The following PCDHGB4 variants were observed in gnomAD, a reference collection of about 807,000 sequenced individuals.
PCDHGB4 encodes the protein protocadherin gamma-B4.
In PCDHGB4, 38 loss-of-function variants were observed where a neutral mutation model predicts 60.5. The observed-to-expected ratio is 0.63, with a 90% CI of 0.48 to 0.82. PCDHGB4 has a LOEUF of 0.82. Ranked by LOEUF, PCDHGB4 falls within the 40% of genes least tolerant of loss-of-function variation. The pLI, the probability that PCDHGB4 is intolerant of heterozygous loss-of-function variation, is 0.00. For missense variants in PCDHGB4, 1,109 were observed against 1,209.6 expected (o/e 0.92, Z 1.23); for synonymous variants, 456 against 509.7 (o/e 0.89, Z 1.42).
At chr5:141,412,934 G>A (rs1232539262) in intron 1 of PCDHGB4, 1 of 453,932 alleles carries the variant, frequency 2.2e-6, no homozygotes, top group African/African-American at 2.0e-5. Context: ...TAACTTCTTA[G>A]GACTCTGAGC....
chr5:141,454,796 A>ATTTTTTTTTTTTTT lies in PCDHGB4; in HGVS notation c.2398-39995_2398-39982dup, dbSNP rs61612330. ...AAGGAAATAATCCTCCATGGTTCTA[A>ATTTTTTTTTTTTTT]TTTTTTTTTTTTTTTTTTTTTTTTT... On this transcript the variant is annotated intron_variant, in intron 1 of 3. Coordinates refer to ENST00000519479, the MANE Select transcript of PCDHGB4 (RefSeq NM_003736.4). 1.1e-3 allele frequency among the ~76,000 whole-genome samples: 87 copies of ATTTTTTTTTTTTTT among 77,456 alleles called. 11 individuals carry two copies. The highest frequency in any genetic ancestry group is 1.4e-3 in the Admixed American group (8 of 5,554). The allele number at this position is 77,456 out of a possible 152,430, so 50.8% of individuals were successfully genotyped here.
At chr5:141,418,901 A>G in intron 1 of PCDHGB4, 1 of 1,614,016 alleles carries the variant, frequency 6.2e-7, no homozygotes, top group East Asian at 2.2e-5. Context: ...CCCAGAAATA[A>G]TCATCACGTC....
chr5:141,415,452 C>T, intron 1 of PCDHGB4: 1 of 1,614,240 alleles, frequency 6.2e-7, no homozygotes, highest in South Asian at 1.1e-5. Flanking sequence ...CCTATTCCCA[C>T]GAGGTCTCTC....
chr5:141,393,206 A>G (rs774279389), intron 1 of PCDHGB4: 2 of 1,613,588 alleles, frequency 1.2e-6, no homozygotes, highest in Non-Finnish European at 1.7e-6. Flanking sequence ...ATAATAACCC[A>G]AAATTCCAGG....
chr5:141,420,311 T>G (rs762191274), intron 1 of PCDHGB4: 1 of 1,454,814 alleles, frequency 6.9e-7, no homozygotes, highest in Non-Finnish European at 9.3e-7. Flanking sequence ...CTTTTTATAT[T>G]ACAATATGCC....
At chr5:141,401,900 AATT>A (rs1215744256) in intron 1 of PCDHGB4, among the ~76,000 whole-genome samples, 1 of 152,196 alleles carries the variant, frequency 6.6e-6, no homozygotes, top group Non-Finnish European at 1.5e-5. Flanking sequence ...CTTTTTCCCA[AATT>A]ATTATATAAG....
intron 1 of PCDHGB4, chr5:141,478,670 C>G: frequency 6.4e-7 from 1 of 1,551,664 alleles, no homozygotes; most frequent in East Asian, 2.4e-5. Flanking sequence ...TTCACACTTT[C>G]AACTGGCCCT....
At chr5:141,421,218 A>G (rs969154252) in intron 1 of PCDHGB4, 1 of 1,570,664 alleles carries the variant, frequency 6.4e-7, no homozygotes, top group Admixed American at 1.9e-5. Flanking sequence ...ATATCGGCTT[A>G]GAGCCTGCCA....
chr5:141,448,795 A>T (rs577803435), intron 1 of PCDHGB4, among the ~76,000 whole-genome samples: 1 of 152,086 alleles, frequency 6.6e-6, no homozygotes, highest in African/African-American at 2.4e-5. Context: ...AAAAAAAAAA[A>T]TTAGCCAGGC....
At chr5:141,494,772 G>C in intron 1 of PCDHGB4, 35 bp from the exon 2 acceptor site, 1 of 1,613,982 alleles carries the variant, frequency 6.2e-7, no homozygotes, top group Non-Finnish European at 8.5e-7. Context: ...ACTTCTCACG[G>C]GTACTCAGCC....
intron 1 of PCDHGB4, among the ~76,000 whole-genome samples, chr5:141,470,014 A>G (rs1394478856): frequency 6.6e-6 from 1 of 152,200 alleles, no homozygotes; most frequent in Non-Finnish European, 1.5e-5. Flanking sequence ...CTGTAATCCC[A>G]GCTACTCGGG....
intron 2 of PCDHGB4, among the ~76,000 whole-genome samples, chr5:141,497,905 C>T (rs1052659134): frequency 6.6e-6 from 1 of 152,178 alleles, no homozygotes; most frequent in Non-Finnish European, 1.5e-5. Context: ...GTAACTTCAA[C>T]TTCTCTCCTT....
At chr5:141,416,245 C>T (rs1029299377) in intron 1 of PCDHGB4, 1 of 152,234 alleles carries the variant, frequency 6.6e-6, no homozygotes, top group Non-Finnish European at 1.5e-5. Flanking sequence ...CTATTTATAA[C>T]TGATAACACT....
chr5:141,489,962 C>A lies in PCDHGB4; in HGVS notation c.2398-4845C>A. The A allele has an allele frequency of 6.2e-7, 1 of 1,614,184 alleles. No individual in the cohort carries two copies. The highest frequency in any genetic ancestry group is 8.5e-7 in the Non-Finnish European group (1 of 1,180,008). ...CTGGACATCAATGATAATGCTCCAA[C>A]CTTCCAATCCTCAGTTCTACGTGTG... is the stretch of plus-strand genomic sequence containing the variant. On this transcript the variant is annotated intron_variant, in intron 1 of 3. Transcript: ENST00000519479. This position sits in a 1 kb window ranked among gnomAD's most constrained non-coding sequence, Gnocchi z 4.5.
At chr5:141,419,576 G>A (rs958064613) in intron 1 of PCDHGB4, 10 of 1,611,766 alleles carry the variant, frequency 6.2e-6, no homozygotes, top group Non-Finnish European at 6.8e-6. Flanking sequence ...CGACGGCTCC[G>A]CGCTCTTCGA....
At chr5:141,401,610 A>AC (rs1186420148) in intron 1 of PCDHGB4, among the ~76,000 whole-genome samples, 1 of 152,212 alleles carries the variant, frequency 6.6e-6, no homozygotes, top group Non-Finnish European at 1.5e-5. Flanking sequence ...GGAAAAAGAC[A>AC]CCGGATTTGT....
chr5:141,469,853 G>A (rs549678022), intron 1 of PCDHGB4, among the ~76,000 whole-genome samples: 5 of 152,270 alleles, frequency 3.3e-5, no homozygotes, highest in South Asian at 2.1e-4. Context: ...GATTCAGACC[G>A]GGTGCAATGG....
chr5:141,432,537 C>T lies in PCDHGB4; in HGVS notation c.2397+42256C>T, dbSNP rs367578838. Reference sequence around the variant, plus strand: ...GGCTACCTGGTGACCAAGGTGGTGGCGGTGGACAGAGACTCCGGCCAGAAC... The same window carrying T: ...GGCTACCTGGTGACCAAGGTGGTGGTGGTGGACAGAGACTCCGGCCAGAAC... On this transcript the variant is annotated intron_variant, in intron 1 of 3. Transcript: ENST00000519479. This position sits in a 1 kb window ranked among gnomAD's most constrained non-coding sequence, Gnocchi z 6.0. The T allele has an allele frequency of 5.6e-6, 9 of 1,613,882 alleles. No homozygotes were observed. The African/African-American group carries it at 6.7e-5, about 12-fold the overall frequency.
chr5:141,411,910 C>T (rs1248743908), intron 1 of PCDHGB4: 2 of 152,164 alleles, frequency 1.3e-5, no homozygotes, highest in East Asian at 1.9e-4. Context: ...TGCCTTTGCA[C>T]TCAGTCTCTG....
Sources: allele counts gnomAD v4.1 joint callset (sites outside exome capture counted in the v4.1 genomes callset), GRCh38; gene constraint gnomAD v4.1.1; non-coding constraint Gnocchi (gnomAD v3.1); transcripts MANE v1.5; gene names NCBI Gene and HGNC (gene_info 2026-07-23, HGNC 2026-07-21).